The following JARID2 variants were observed in gnomAD, a reference collection of about 807,000 sequenced individuals.
JARID2 encodes the protein jumonji and AT-rich interaction domain containing 2.
A neutral mutation model predicts 125.6 loss-of-function variants in JARID2; 21 were observed. That is an observed-to-expected ratio of 0.17 (90% CI 0.12 to 0.24). JARID2 has a LOEUF of 0.24. Among genes scored for constraint, JARID2 ranks in the 10% least tolerant of loss-of-function variants. JARID2 has a pLI of 1.00. For synonymous variants in JARID2, 736 were observed against 661.6 expected (o/e 1.11, Z -1.73); for missense variants, 1,303 against 1,639.6 (o/e 0.79, Z 3.55).
chr6:15,250,662 T>A (rs947139490), intron 1 of JARID2, among the ~76,000 whole-genome samples: 7 of 152,348 alleles, frequency 4.6e-5, no homozygotes, highest in Non-Finnish European at 8.8e-5. Flanking sequence ...TACAGTAGGC[T>A]AATACCTAAC....
At chr6:15,253,774 C>A (rs978027522) in intron 1 of JARID2, among the ~76,000 whole-genome samples, 1 of 152,188 alleles carries the variant, frequency 6.6e-6, no homozygotes, top group African/African-American at 2.4e-5. Context: ...ACACAACACC[C>A]ACTTCTCTTA....
chr6:15,478,235 T>C lies in JARID2; in HGVS notation c.671-9072T>C, dbSNP rs183574474. Among the ~76,000 whole-genome samples the C allele has an allele frequency of 1.7e-3, 254 of 152,324 alleles. 2 individuals are homozygous for C. The Middle Eastern group carries it at 0.027, about 16-fold the overall frequency. ...GAGAAGCTCCTGGCTCTGATCCCTCTTTTTAGCCTGGTGTCAGGGCTAAAA... is the reference window on the plus strand; with the variant it reads ...GAGAAGCTCCTGGCTCTGATCCCTCCTTTTAGCCTGGTGTCAGGGCTAAAA... On this transcript the variant is annotated intron_variant, in intron 5 of 17. Transcript: ENST00000341776.
chr6:15,380,653 TG>T (rs1299767296), intron 2 of JARID2, among the ~76,000 whole-genome samples: 1 of 152,184 alleles, frequency 6.6e-6, no homozygotes, highest in Non-Finnish European at 1.5e-5. Flanking sequence ...GAAGCGCAGA[TG>T]TGGGACATTG....
chr6:15,246,688 G>A (rs769177617), intron 1 of JARID2, 104 bp downstream of exon 1: 24 of 979,434 alleles, frequency 2.5e-5, no homozygotes, highest in Admixed American at 6.2e-5. Context: ...TAAACACAGC[G>A]TCCGATAAGG....
intron 1 of JARID2, among the ~76,000 whole-genome samples, chr6:15,336,996 A>G (rs916715957): frequency 1.3e-5 from 2 of 152,160 alleles, no homozygotes; most frequent in Non-Finnish European, 2.9e-5. Context: ...TGTTATTTGT[A>G]ATCACTCCAC....
intron 3 of JARID2, among the ~76,000 whole-genome samples, chr6:15,424,639 C>T (rs1766644619): frequency 6.6e-6 from 1 of 152,096 alleles, no homozygotes; most frequent in African/African-American, 2.4e-5. Context: ...GGGCGGATCA[C>T]CTGAGGTCGG....
chr6:15,503,648 A>G (rs1770851848), intron 8 of JARID2, among the ~76,000 whole-genome samples: 1 of 152,106 alleles, frequency 6.6e-6, no homozygotes, highest in Non-Finnish European at 1.5e-5. Flanking sequence ...TGTTTCATGC[A>G]CTGCTCTGTC....
chr6:15,247,379 C>T, intron 1 of JARID2: 2 of 944,580 alleles, frequency 2.1e-6, no homozygotes, highest in Non-Finnish European at 2.5e-6. Flanking sequence ...AGTACAGCTA[C>T]GTTTTGATTG....
intron 1 of JARID2, among the ~76,000 whole-genome samples, chr6:15,357,518 A>G (rs1012089916): frequency 9.2e-5 from 14 of 152,190 alleles, no homozygotes; most frequent in Non-Finnish European, 1.9e-4. Context: ...ACTGTCTTAC[A>G]TGTTCATTTA....
Position 15,519,319 on chromosome 6 carries a change from G to A in JARID2, c.3559-750G>A, listed in dbSNP as rs79922124. Among the ~76,000 whole-genome samples the A allele has an allele frequency of 6.0e-3, 906 of 152,206 alleles. 9 individuals carry two copies. Among genetic ancestry groups the A allele is most frequent in the African/African-American group, 0.02 (845 of 41,520 alleles). ...ATTACAGATACGTGTGGACCGCCCCGCCTTCCGAAGGCACCTTTAACTTGT... is the reference window on the plus strand; with the variant it reads ...ATTACAGATACGTGTGGACCGCCCCACCTTCCGAAGGCACCTTTAACTTGT... On this transcript the variant is annotated intron_variant, in intron 17 of 17. Coordinates refer to ENST00000341776, the MANE Select transcript of JARID2 (RefSeq NM_004973.4).
At chr6:15,490,723 A>G (rs1194889848) in intron 6 of JARID2, among the ~76,000 whole-genome samples, 2 of 152,242 alleles carry the variant, frequency 1.3e-5, no homozygotes, top group African/African-American at 4.8e-5. Context: ...CTGCAGTAGT[A>G]CTTCTGCTTA....
intron 11 of JARID2, 123 bp downstream of exon 11, chr6:15,507,539 G>C: frequency 2.8e-6 from 2 of 712,064 alleles, no homozygotes; most frequent in Non-Finnish European, 4.8e-6. Context: ...CAGGCTTACA[G>C]GACATACAGT....
chr6:15,507,523 C>A, intron 11 of JARID2, 107 bp downstream of exon 11: 2 of 838,224 alleles, frequency 2.4e-6, no homozygotes, highest in African/African-American at 1.7e-5. Context: ...GGAGGGATGG[C>A]GTCTTCAGGC....
At chr6:15,487,595 C>G (rs967275849) in intron 6 of JARID2, 53 bp downstream of exon 6, 3 of 1,420,012 alleles carry the variant, frequency 2.1e-6, no homozygotes, top group Non-Finnish European at 2.9e-6. Context: ...TTTCCCACTT[C>G]ACTTCACCAA....
At chr6:15,390,310 G>C (rs774293520) in intron 2 of JARID2, among the ~76,000 whole-genome samples, 44 of 152,132 alleles carry the variant, frequency 2.9e-4, no homozygotes, top group Non-Finnish European at 4.0e-4. Flanking sequence ...GAGAAGCCTA[G>C]ATATGGAGAA....
intron 7 of JARID2, 89 bp from the exon 8 acceptor site, chr6:15,500,818 G>A: frequency 8.8e-7 from 1 of 1,133,538 alleles, no homozygotes; most frequent in Non-Finnish European, 1.3e-6. Context: ...GCTCATAGTA[G>A]GAGTTCAAGA....
rs981372273 is a variant in JARID2 at position 15,483,338 on chromosome 6, A to G, written c.671-3969A>G. Among the ~76,000 whole-genome samples the G allele has an allele frequency of 2.0e-5, 3 of 151,424 alleles. No individual in the cohort carries two copies. In the Middle Eastern group the frequency reaches 0.011, roughly 533 times the overall value. On this transcript the variant is annotated intron_variant, in intron 5 of 17. Coordinates refer to ENST00000341776, the MANE Select transcript of JARID2 (RefSeq NM_004973.4). The stretch of plus-strand genomic sequence containing the variant: ...TGCTCAGGGGCCATGATTCAGTCAT[A>G]CTCACTGTTTGTATGACTTTATCAA...
At chr6:15,280,826 A>G (rs1760722534) in intron 1 of JARID2, among the ~76,000 whole-genome samples, 1 of 151,952 alleles carries the variant, frequency 6.6e-6, no homozygotes, top group African/African-American at 2.4e-5. Context: ...ATGGGGTTTC[A>G]CCATGTTGGC....
At chr6:15,415,843 G>T (rs541592784) in intron 3 of JARID2, among the ~76,000 whole-genome samples, 6 of 120,254 alleles carry the variant, frequency 5.0e-5, no homozygotes, top group African/African-American at 1.5e-4. Context: ...CCTCCCTCCC[G>T]GACGGGGCGG....
Sources: gnomAD v4.1 joint callset for allele counts (sites outside exome capture counted in the v4.1 genomes callset) on GRCh38, gnomAD v4.1.1 for gene constraint, MANE v1.5 for transcripts, NCBI Gene and HGNC (gene_info 2026-07-23, HGNC 2026-07-21) for gene names.